The following DPH1 variants were observed in gnomAD, a reference collection of about 807,000 sequenced individuals.
The protein encoded by DPH1 is diphthamide biosynthesis 1.
DPH1 carries 59 observed loss-of-function variants against 55.3 expected under a neutral mutation model. That is an observed-to-expected ratio of 1.07 (90% CI 0.87 to 1.33). The LOEUF (loss-of-function observed/expected upper bound fraction) is 1.33. DPH1 is among the 40% of genes most tolerant of loss of function. DPH1 has a pLI of 0.00. For synonymous variants in DPH1, 238 were observed against 235.5 expected, an observed-to-expected ratio of 1.01 and a Z score of -0.10; for missense variants, 628 against 584.8, an observed-to-expected ratio of 1.07 and a Z score of -0.76.
intron 6 of DPH1, 132 bp downstream of exon 6, chr17:2,037,088 G>A: frequency 1.5e-6 from 2 of 1,336,104 alleles, no homozygotes; most frequent in Non-Finnish European, 1.0e-6. Flanking sequence ...CACACTGCAA[G>A]GTAGGGACCA....
At position 2,033,502 on chromosome 17, in the gene DPH1, T is replaced by C; in HGVS notation, c.62-3T>C. 2 of 1,614,004 alleles carry C rather than the reference T, an allele frequency of 1.2e-6. No homozygotes were observed. The highest frequency in any genetic ancestry group is 1.7e-6 in the Non-Finnish European group (2 of 1,180,036). ...ACCAACTCAGGCCTTATATCCATTC[T>C]AGGTCGGGCCCCTCGGGGCCGCGTG... On this transcript the variant is annotated splice_polypyrimidine_tract_variant and splice_region_variant and intron_variant, in intron 1 of 12. Coordinates refer to ENST00000263083, the MANE Select transcript of DPH1 (RefSeq NM_001383.6).
chr17:2,040,880 T>TATC, intron 9 of DPH1: 1 of 635,306 alleles, frequency 1.6e-6, no homozygotes. Context: ...CTGGGGATAC[T>TATC]ATCACCAGTG....
In DPH1 at chr17:2,040,037, T is replaced by C. The variant is rs547023244; in HGVS notation, c.750-181T>C. Among the ~76,000 whole-genome samples the C allele has an allele frequency of 2.6e-5, 4 of 152,310 alleles. No homozygotes were observed. The East Asian group carries it at 7.7e-4, about 29-fold the overall frequency. ...ACACGGAGATCTTAAAGCCGCCCAC[T>C]CTTGTCTGCTCCAGCTGTGGGACAG... On this transcript the variant is annotated intron_variant, in intron 7 of 12. Transcript: ENST00000263083.
upstream of DPH1, chr17:2,030,116 G>A (rs1332177666): frequency 3.8e-6 from 6 of 1,567,488 alleles, no homozygotes; most frequent in East Asian, 7.0e-5. Context: ...CAATGTCTGC[G>A]CTCTCCGCGT....
Position 2,042,853 on chromosome 17 carries a change from A to G in DPH1, c.*267A>G, listed in dbSNP as rs761320918. 1 of 1,614,024 alleles carries G rather than the reference A, an allele frequency of 6.2e-7. No homozygotes were observed. Among genetic ancestry groups the G allele is most frequent in the Admixed American group, 1.7e-5 (1 of 60,016 alleles). ...TCCCCGCTTCCCCTTGCCACGGTTT[A>G]TCCTCTTGGTGTCTGGTTTCTGTCC... is the stretch of plus-strand genomic sequence containing the variant. On this transcript the variant is annotated 3_prime_UTR_variant, in exon 13 of 13. Coordinates refer to ENST00000263083, the MANE Select transcript of DPH1 (RefSeq NM_001383.6).
In DPH1 at chr17:2,033,516, C is replaced by T. The variant is rs367898997; in HGVS notation, c.73C>T (p.Arg25Trp). 54 of 1,613,950 alleles carry T rather than the reference C, an allele frequency of 3.3e-5. No individual in the cohort carries two copies. The African/African-American group carries it at 3.7e-4, about 11-fold the overall frequency. ...TATATCCATTCTAGGTCGGGCCCCT[C>T]GGGGCCGCGTGGCCAATCAGATCCC... Reference protein sequence around the residue: ...RDGPGRGRAPRGRVANQIPPE... With the variant: ...RDGPGRGRAPWGRVANQIPPE... The change falls in exon 2 of 13, where the codon CGG becomes TGG. Residue 25 changes from arginine (R) to tryptophan (W), a missense_variant. Physicochemically the swap from Arg to Trp is moderately radical, Grantham distance 101. Coordinates refer to ENST00000263083, the MANE Select transcript of DPH1 (RefSeq NM_001383.6).
rs969706846 is a variant in DPH1, at chr17:2,030,158, C to A, written c.-12C>A. ...AGCGCTGTCTTTTTAGTACCACATG[C>A]GCAGGCAGGTGATGGCGGCGCTGGT... On this transcript the variant is annotated 5_prime_UTR_variant, in exon 1 of 13. Transcript: ENST00000263083. The A allele has an allele frequency of 1.9e-6, 3 of 1,601,556 alleles. No homozygotes were observed. Among genetic ancestry groups the A allele is most frequent in the Non-Finnish European group, 2.6e-6 (3 of 1,175,082 alleles).
In DPH1 at chr17:2,041,487, G is replaced by C. The variant is rs200231675; in HGVS notation, c.1093G>C (p.Val365Leu). ...CCTCCCTCCCCTCCCCTAGGCGGCC[G>C]TGGCTCTGAGGGACATTTCCTGGCA... ...KPLLTPYEAA[V>L]ALRDISWQQP... The change falls in exon 11 of 13, where the codon GTG (valine) becomes CTG (leucine). Residue 365 changes from valine (V) to leucine (L), a missense_variant. By Grantham distance (32) the Val-to-Leu change is conservative. Transcript: ENST00000263083. 2.9e-4 allele frequency: 469 copies of C among 1,604,740 alleles called. 3 individuals carry two copies. The East Asian group carries it at 6.9e-3, about 24-fold the overall frequency.
At chr17:2,041,935 C>G in intron 12 of DPH1, 60 bp downstream of exon 12, 2 of 1,528,298 alleles carry the variant, frequency 1.3e-6, no homozygotes, top group South Asian at 1.2e-5. Context: ...AACGCCTTGG[C>G]GCTCCGAGGC....
chr17:2,031,047 T>C (rs2067324993), intron 1 of DPH1, among the ~76,000 whole-genome samples: 2 of 152,206 alleles, frequency 1.3e-5, no homozygotes, highest in South Asian at 4.1e-4. Context: ...TCAATACATA[T>C]TCGTTGAATA....
intron 9 of DPH1, 73 bp from the exon 10 acceptor site, chr17:2,041,030 G>C (rs2067511237): frequency 5.5e-6 from 8 of 1,446,392 alleles, no homozygotes; most frequent in Admixed American, 2.0e-5. Context: ...TGGGGGCACT[G>C]TCATGTTCTT....
intron 6 of DPH1, chr17:2,038,821 A>C (rs995910951): frequency 6.6e-6 from 1 of 152,042 alleles, no homozygotes; most frequent in Admixed American, 6.5e-5. Context: ...CCAACTTCCA[A>C]ATGAGGATCT....
rs187964662 is a variant in DPH1 at position 2,036,858 on chromosome 17, C to T, written c.582C>T (p.Ala194=). The change falls in exon 6 of 13, where the codon GCC becomes GCT. Residue 194 remains alanine (A), a synonymous_variant. Transcript: ENST00000263083. This position sits in a 1 kb window ranked among gnomAD's most constrained non-coding sequence, Gnocchi z 4.8. ...AGGCAGCCGCCCAGGAGCTGAAAGCCGAGTATCGTGTGAGTGTCCCACAGT... is the reference window on the plus strand; with the variant it reads ...AGGCAGCCGCCCAGGAGCTGAAAGCTGAGTATCGTGTGAGTGTCCCACAGT... The part of the protein sequence containing the change: ...TLQAAAQELK[A]EYRVSVPQCK... The T allele has an allele frequency of 3.5e-5, 56 of 1,613,612 alleles. No individual in the cohort carries two copies. Among genetic ancestry groups the T allele is most frequent in the African/African-American group, 3.3e-4 (25 of 75,014 alleles).
chr17:2,040,579 G>A lies in DPH1; in HGVS notation c.981G>A (p.Lys327=), dbSNP rs2067502348. The A allele has an allele frequency of 1.9e-6, 3 of 1,614,094 alleles. No individual in the cohort carries two copies. In the Admixed American group the frequency reaches 5.0e-5, roughly 27 times the overall value. The change falls in exon 9 of 13, where the codon AAG becomes AAA. Residue 327 remains lysine, a synonymous_variant. Coordinates refer to ENST00000263083, the MANE Select transcript of DPH1 (RefSeq NM_001383.6). ...RLLLSEIFPS[K]LSLLPEVDVW... ...TGCTCTCTGAGATCTTCCCCAGCAA[G>A]CTTAGCCTACTTCCTGAGGTGGATG...
chr17:2,033,322 A>T, intron 1 of DPH1, 183 bp from the exon 2 acceptor site: 1 of 777,102 alleles, frequency 1.3e-6, no homozygotes, highest in Non-Finnish European at 2.0e-6. Context: ...CAAGTTATTT[A>T]ATTCCCTAAT....
chr17:2,042,462 TTCCCCCCTCTC>T, intron 12 of DPH1, 132 bp from the exon 13 acceptor site: 1 of 1,294,172 alleles, frequency 7.7e-7, no homozygotes, highest in African/African-American at 1.5e-5. Context: ...ATCCACTCAT[TTCCCCCCTCTC>T]ATTTCCCCCA....
chr17:2,039,914 G>A (rs749878702), intron 7 of DPH1, 91 bp downstream of exon 7: 61 of 1,571,822 alleles, frequency 3.9e-5, no homozygotes, highest in Non-Finnish European at 5.3e-5. Context: ...CCCATTTCCT[G>A]GCCACTAAGC....
In DPH1 at chr17:2,030,212, C is replaced by A. The variant is rs763646344; in HGVS notation, c.43C>A (p.Arg15=). 1.3e-6 allele frequency: 2 copies of A among 1,594,114 alleles called. No individual in the cohort carries two copies. The highest frequency in any genetic ancestry group is 1.8e-5 in the Admixed American group (1 of 56,962). ...VVSGAAEQGG[R]DGPGRGRAPR... is the part of the protein sequence containing the mutation. ...ATCCGGGGCAGCGGAGCAGGGCGGC[C>A]GAGACGGCCCTGGCAGAGGTGGGTG... The change falls in exon 1 of 13, where the codon CGA becomes AGA. Residue 15 remains arginine (R), a synonymous_variant. Coordinates refer to ENST00000263083, the MANE Select transcript of DPH1 (RefSeq NM_001383.6).
chr17:2,040,858 C>CTAAA (rs922807223), intron 9 of DPH1: 86 of 625,770 alleles, frequency 1.4e-4, no homozygotes, highest in Non-Finnish European at 2.1e-4. Context: ...GTACCAGGTA[C>CTAAA]TAAATGTGGT....
Sources: gnomAD v4.1 joint callset for allele counts (sites outside exome capture counted in the v4.1 genomes callset) on GRCh38, gnomAD v4.1.1 for gene constraint, Gnocchi (gnomAD v3.1) non-coding constraint, MANE v1.5 for transcripts, NCBI Gene and HGNC (gene_info 2026-07-23, HGNC 2026-07-21) for gene names.